CDON: variants seen among roughly 807,000 people sequenced by gnomAD.
CDON encodes cell adhesion molecule-related/down-regulated by oncogenes.
A neutral mutation model predicts 120.9 loss-of-function variants in CDON; 73 were observed. The observed-to-expected ratio is 0.60, with a 90% CI of 0.50 to 0.73. The LOEUF is 0.73. Ranked by LOEUF, CDON falls within the 30% of genes least tolerant of loss-of-function variation. CDON has a pLI of 0.00. For missense variants in CDON, 1,470 were observed against 1,587.3 expected (o/e 0.93, Z 1.26); for synonymous variants, 566 against 573.5 (o/e 0.99, Z 0.19).
intron 14 of CDON, among the ~76,000 whole-genome samples, chr11:125,993,544 G>GA (rs1267805550): frequency 6.6e-6 from 1 of 152,198 alleles, no homozygotes; most frequent in Non-Finnish European, 1.5e-5. Context: ...AAGTTATGGG[G>GA]AAGAGTTCAC....
intron 11 of CDON, among the ~76,000 whole-genome samples, chr11:126,001,442 T>C (rs1946942200): frequency 6.6e-6 from 1 of 152,126 alleles, no homozygotes; most frequent in African/African-American, 2.4e-5. Context: ...TCTGCCCACC[T>C]CAGCCTCCCA....
At chr11:125,983,767 A>T in intron 16 of CDON, 105 bp downstream of exon 16, 1 of 847,994 alleles carries the variant, frequency 1.2e-6, no homozygotes, top group Non-Finnish European at 2.0e-6. Flanking sequence ...TGTGTTTCAT[A>T]CCATGACACT....
chr11:126,022,101 CAA>C (rs56788784), intron 2 of CDON, among the ~76,000 whole-genome samples: 92 of 56,540 alleles, frequency 1.6e-3, no homozygotes, highest in South Asian at 0.014. Flanking sequence ...GACCCTGCTT[CAA>C]AAAAAAAAAA....
chr11:126,031,680 C>T (rs115193975), intron 1 of CDON, among the ~76,000 whole-genome samples: 1,867 of 152,180 alleles, frequency 0.012, 43 homozygotes, highest in African/African-American at 0.042. Flanking sequence ...ACCATTTCCG[C>T]GAGTTGTGAA....
chr11:126,020,140 T>G (rs1240316509), intron 3 of CDON, among the ~76,000 whole-genome samples: 1 of 152,290 alleles, frequency 6.6e-6, no homozygotes, highest in South Asian at 2.1e-4. Flanking sequence ...GCACCCTTTT[T>G]CATAAGTCAA....
chr11:126,015,100 C>A (rs763004557), intron 7 of CDON, 141 bp downstream of exon 7: 1 of 821,602 alleles, frequency 1.2e-6, no homozygotes, highest in Admixed American at 2.0e-5. Context: ...CTGTCACTAG[C>A]CAGGACCATG....
upstream of CDON, chr11:126,063,315 A>C (rs577604724): frequency 3.3e-5 from 5 of 151,508 alleles, no homozygotes; most frequent in Admixed American, 2.6e-4. Flanking sequence ...AGGTCTCCAA[A>C]TGGTCGACTC....
intron 1 of CDON, among the ~76,000 whole-genome samples, chr11:126,047,929 T>G (rs1047545674): frequency 6.6e-6 from 1 of 152,170 alleles, no homozygotes; most frequent in Non-Finnish European, 1.5e-5. Context: ...TGTCTTTCAA[T>G]CCCATATCTA....
In CDON at chr11:126,062,587, G is replaced by C. The variant is rs1041282374; in HGVS notation, c.-70C>G. On this transcript the variant is annotated 5_prime_UTR_variant, in exon 1 of 20. Coordinates refer to ENST00000531738, the MANE Select transcript of CDON (RefSeq NM_001378964.1). Reference sequence around the variant, plus strand: ...GACCCCCACCCCCGCACCTCTCCGCGGGGCTGGCTAAGCCTCCAGACCTCC... The same window carrying C: ...GACCCCCACCCCCGCACCTCTCCGCCGGGCTGGCTAAGCCTCCAGACCTCC... The C allele has an allele frequency of 2.0e-5, 3 of 152,090 alleles. No individual in the cohort carries two copies. The highest frequency in any genetic ancestry group is 7.2e-5 in the African/African-American group (3 of 41,388). The allele number at this position is 152,090 out of a possible 1,614,324, so 9.4% of individuals were successfully genotyped here. A position where few individuals can be genotyped will look rare whatever the true frequency, so the allele number is the denominator to read the frequency against.
intron 18 of CDON, among the ~76,000 whole-genome samples, chr11:125,967,725 C>T (rs908605886): frequency 2.0e-5 from 3 of 152,164 alleles, no homozygotes; most frequent in African/African-American, 4.8e-5. Context: ...CACCGTTGAC[C>T]TCCCTGGCTC....
At position 126,023,441 on chromosome 11, in the gene CDON, C is replaced by T; in HGVS notation, c.36G>A (p.Leu12=). Residue 12 remains leucine, a synonymous_variant, in exon 2 of 20, where the codon CTG becomes CTA. Coordinates refer to ENST00000531738, the MANE Select transcript of CDON (RefSeq NM_001378964.1). Reference sequence around the variant, plus strand: ...AGCACAGAATTGTAAGAGTAACATACAGCAGTGTACATAAGGGTCCAAGAT... The same window carrying T: ...AGCACAGAATTGTAAGAGTAACATATAGCAGTGTACATAAGGGTCCAAGAT... ...HPDLGPLCTL[L]YVTLTILCSS... 6.2e-7 allele frequency: 1 copy of T among 1,613,360 alleles called. No homozygotes were observed. The highest frequency in any genetic ancestry group is 8.5e-7 in the Non-Finnish European group (1 of 1,179,324).
intron 16 of CDON, among the ~76,000 whole-genome samples, chr11:125,982,347 T>C (rs1281962994): frequency 1.3e-5 from 2 of 152,158 alleles, no homozygotes; most frequent in East Asian, 1.9e-4. Flanking sequence ...CTACCAGATA[T>C]ATTTAGAAAA....
At chr11:126,043,057 A>G (rs1174860834) in intron 1 of CDON, among the ~76,000 whole-genome samples, 2 of 152,196 alleles carry the variant, frequency 1.3e-5, no homozygotes, top group African/African-American at 4.8e-5. Flanking sequence ...AAAGAACCAG[A>G]GGCTACTCGC....
At chr11:125,974,390 A>AGGGAGGG (rs1946094842) in intron 18 of CDON, among the ~76,000 whole-genome samples, 3 of 46,048 alleles carry the variant, frequency 6.5e-5, no homozygotes, top group African/African-American at 2.9e-4. Flanking sequence ...GGAAGGAAGG[A>AGGGAGGG]AGGGAGGGAG....
chr11:125,974,757 C>T (rs1006303830), intron 18 of CDON, among the ~76,000 whole-genome samples: 1 of 152,140 alleles, frequency 6.6e-6, no homozygotes, highest in Admixed American at 6.5e-5. Flanking sequence ...CCAGCATTTT[C>T]ATCTTTCTCC....
chr11:126,043,750 A>T (rs913307281), intron 1 of CDON, among the ~76,000 whole-genome samples: 6 of 152,200 alleles, frequency 3.9e-5, no homozygotes, highest in African/African-American at 1.4e-4. Flanking sequence ...TTGCGCTTAC[A>T]TCCACTCACT....
intron 1 of CDON, among the ~76,000 whole-genome samples, chr11:126,049,664 G>A (rs1262957686): frequency 6.6e-6 from 1 of 152,084 alleles, no homozygotes; most frequent in African/African-American, 2.4e-5. Flanking sequence ...AAACAAAACA[G>A]AAATAGTTAA....
At chr11:126,041,094 C>T (rs1369358618) in intron 1 of CDON, among the ~76,000 whole-genome samples, 1 of 149,342 alleles carries the variant, frequency 6.7e-6, no homozygotes, top group Non-Finnish European at 1.5e-5. Flanking sequence ...GAGGCTGAGG[C>T]AGGAGAATCA....
chr11:126,005,657 G>C, intron 9 of CDON, 102 bp downstream of exon 9: 1 of 1,099,058 alleles, frequency 9.1e-7, no homozygotes, highest in Non-Finnish European at 1.4e-6. Flanking sequence ...GAAGACTCTT[G>C]TTCTGTTTCC....
Sources: allele counts gnomAD v4.1 joint callset (sites outside exome capture counted in the v4.1 genomes callset), GRCh38; gene constraint gnomAD v4.1.1; transcripts MANE v1.5; gene names NCBI Gene and HGNC (gene_info 2026-07-23, HGNC 2026-07-21).